FLT1: variants seen among roughly 807,000 people sequenced by gnomAD.
The protein encoded by FLT1 is vascular endothelial growth factor receptor 1.
A neutral mutation model predicts 156.3 loss-of-function variants in FLT1; 49 were observed. That is an observed-to-expected ratio of 0.31 (90% CI 0.25 to 0.40). The LOEUF is 0.40. FLT1 is among the 10% of genes least tolerant of loss of function. FLT1 has a pLI of 1.00. For missense variants in FLT1, 1,322 were observed against 1,637.2 expected, an observed-to-expected ratio of 0.81 and a Z score of 3.32; for synonymous variants, 594 against 583.8, an observed-to-expected ratio of 1.02 and a Z score of -0.25.
intron 3 of FLT1, among the ~76,000 whole-genome samples, chr13:28,444,650 G>C (rs1197457179): frequency 6.6e-6 from 1 of 152,030 alleles, no homozygotes; most frequent in Non-Finnish European, 1.5e-5. Context: ...AATTTAAAAG[G>C]ATAGAAATAA....
At chr13:28,357,405 C>A in intron 15 of FLT1, 149 bp downstream of exon 15, 1 of 839,690 alleles carries the variant, frequency 1.2e-6, no homozygotes, top group East Asian at 2.5e-5. Context: ...CAGACAGTCC[C>A]TTCCCGGAGT....
intron 23 of FLT1, among the ~76,000 whole-genome samples, chr13:28,320,152 G>A (rs1871384393): frequency 6.6e-6 from 1 of 152,124 alleles, no homozygotes; most frequent in African/African-American, 2.4e-5. Flanking sequence ...GGGGATTGAT[G>A]GGAGGTATGG....
At chr13:28,355,259 G>A (rs911323961) in intron 15 of FLT1, among the ~76,000 whole-genome samples, 1 of 152,190 alleles carries the variant, frequency 6.6e-6, no homozygotes, top group Non-Finnish European at 1.5e-5. Context: ...CTTCCCATCT[G>A]TAGATTGAAG....
chr13:28,314,086 A>G (rs1871110886), intron 25 of FLT1, among the ~76,000 whole-genome samples: 1 of 152,152 alleles, frequency 6.6e-6, no homozygotes, highest in Non-Finnish European at 1.5e-5. Context: ...TAGTCCCTGT[A>G]GTACAGGAGG....
At chr13:28,459,097 T>A (rs1197915170) in intron 3 of FLT1, among the ~76,000 whole-genome samples, 1 of 152,078 alleles carries the variant, frequency 6.6e-6, no homozygotes, top group Non-Finnish European at 1.5e-5. Context: ...TTCCTAGGAG[T>A]TCTTTAGAGA....
At chr13:28,492,953 A>G (rs1006541017) in intron 1 of FLT1, among the ~76,000 whole-genome samples, 1 of 152,228 alleles carries the variant, frequency 6.6e-6, no homozygotes, top group Non-Finnish European at 1.5e-5. Context: ...AAATAAAAAA[A>G]AAAAAGAAAT....
At chr13:28,316,233 T>C (rs957392083) in intron 25 of FLT1, among the ~76,000 whole-genome samples, 2 of 152,232 alleles carry the variant, frequency 1.3e-5, no homozygotes, top group African/African-American at 2.4e-5. Context: ...ATCCTGGGTC[T>C]GACCTACCCT....
chr13:28,335,264 A>G (rs1324056), intron 17 of FLT1, among the ~76,000 whole-genome samples: 140,586 of 152,182 alleles, frequency 0.92, 65,703 homozygotes, highest in East Asian at 1. Context: ...ATGACAGAAT[A>G]CCACTGGTTG....
At chr13:28,395,796 C>G (rs769632896) in intron 12 of FLT1, among the ~76,000 whole-genome samples, 119 of 152,162 alleles carry the variant, frequency 7.8e-4, no homozygotes, top group Non-Finnish European at 1.4e-3. Context: ...GACAGGACTT[C>G]ATTGATGTTC....
At chr13:28,397,198 G>T (rs1212877809) in intron 11 of FLT1, 130 bp from the exon 12 acceptor site, 2 of 675,606 alleles carry the variant, frequency 3.0e-6, no homozygotes, top group African/African-American at 3.6e-5. Flanking sequence ...ATAGGTGGTG[G>T]TTACCAGAAG....
In FLT1 at chr13:28,311,662, G is replaced by T; in HGVS notation, c.3563C>A (p.Ala1188Asp). Residue 1188 changes from alanine to aspartate, a missense_variant, in exon 27 of 30, where the codon GCC becomes GAC. Physicochemically the swap from Ala to Asp is moderately radical, Grantham distance 126 (BLOSUM62 -2). Coordinates refer to ENST00000282397, the MANE Select transcript of FLT1 (RefSeq NM_002019.4). Reference sequence around the variant, plus strand: ...TTCCTTGAAGAAGTCCTCAGAGAAGGCAGGAGTTGAGTATGTAAACCCACT... The same window carrying T: ...TTCCTTGAAGAAGTCCTCAGAGAAGTCAGGAGTTGAGTATGTAAACCCACT... The part of the protein sequence containing the change: ...GNSGFTYSTP[A>D]FSEDFFKESI... The T allele has an allele frequency of 6.2e-7, 1 of 1,613,178 alleles. No homozygotes were observed.
At chr13:28,370,029 T>G (rs1427430395) in intron 14 of FLT1, among the ~76,000 whole-genome samples, 1 of 151,848 alleles carries the variant, frequency 6.6e-6, no homozygotes, top group African/African-American at 2.4e-5. Context: ...GTGAGACTAC[T>G]GTCTCTATAA....
At chr13:28,432,898 C>G (rs7324510) in intron 6 of FLT1, among the ~76,000 whole-genome samples, 1 of 152,042 alleles carries the variant, frequency 6.6e-6, no homozygotes, top group African/African-American at 2.4e-5. Flanking sequence ...TGAAACAATA[C>G]CTCTCCTAGA....
chr13:28,370,884 G>T (rs1387014925), intron 14 of FLT1, among the ~76,000 whole-genome samples: 3 of 152,106 alleles, frequency 2.0e-5, no homozygotes, highest in Admixed American at 6.6e-5. Flanking sequence ...GGCTTTTTTT[G>T]TGTGTGATGA....
chr13:28,427,982 ACACGGT>A (rs1439136878), intron 8 of FLT1, 61 bp from the exon 9 acceptor site: 2 of 1,440,914 alleles, frequency 1.4e-6, no homozygotes, highest in Non-Finnish European at 2.0e-6. Context: ...CACTTTGATA[ACACGGT>A]CATTGAAGTT....
At chr13:28,396,154 G>A (rs1375217773) in intron 12 of FLT1, among the ~76,000 whole-genome samples, 1 of 152,214 alleles carries the variant, frequency 6.6e-6, no homozygotes, top group Non-Finnish European at 1.5e-5. Flanking sequence ...ACTTGCCAGA[G>A]GCCCCTGTGA....
At chr13:28,303,501 C>CCG (rs1555297839) in intron 29 of FLT1, 133 bp from the exon 30 acceptor site, 38 of 775,978 alleles carry the variant, frequency 4.9e-5, no homozygotes, top group East Asian at 3.5e-4. Context: ...AACCCCCCCC[C>CCG]CCTCAATTGC....
intron 12 of FLT1, among the ~76,000 whole-genome samples, chr13:28,391,169 A>C (rs1482354578): frequency 6.6e-6 from 1 of 152,210 alleles, no homozygotes; most frequent in Non-Finnish European, 1.5e-5. Context: ...ATAATTTTAA[A>C]AATCAAATTT....
In FLT1 at chr13:28,300,581, A is replaced by G. The variant is rs1176293060; in HGVS notation, c.*2586T>C. The G allele has an allele frequency of 4.3e-6, 1 of 231,206 alleles. No individual in the cohort carries two copies. Among genetic ancestry groups the G allele is most frequent in the African/African-American group, 2.3e-5 (1 of 44,246 alleles). The allele number at this position is 231,206 out of a possible 1,614,324, so 14.3% of individuals were successfully genotyped here. A position where few individuals can be genotyped will look rare whatever the true frequency, so the allele number is the denominator to read the frequency against. ...CATACAGTTACACCACTGTCGGCCAAAGATGCACTCCTCCTTTAATCAATT... is the reference window on the plus strand; with the variant it reads ...CATACAGTTACACCACTGTCGGCCAGAGATGCACTCCTCCTTTAATCAATT... On this transcript the variant is annotated 3_prime_UTR_variant, in exon 30 of 30. Transcript: ENST00000282397.
Sources: allele counts gnomAD v4.1 joint callset (sites outside exome capture counted in the v4.1 genomes callset), GRCh38; gene constraint gnomAD v4.1.1; transcripts MANE v1.5; gene names NCBI Gene and HGNC (gene_info 2026-07-23, HGNC 2026-07-21).